The following PRKN variants were observed in gnomAD, a reference collection of about 807,000 sequenced individuals.
The protein encoded by PRKN is parkin RBR E3 ubiquitin protein ligase.
PRKN carries 56 observed loss-of-function variants against 59.5 expected under a neutral mutation model. The observed-to-expected ratio is 0.94, with a 90% CI of 0.76 to 1.18. PRKN has a LOEUF of 1.18. PRKN is among the 50% of genes most tolerant of loss of function. The pLI is 0.00. For missense variants in PRKN, 657 were observed against 596.4 expected (o/e 1.10, Z -1.06); for synonymous variants, 250 against 222.1 (o/e 1.13, Z -1.12).
intron 7 of PRKN, among the ~76,000 whole-genome samples, chr6:161,739,492 G>T (rs957391106): frequency 6.6e-6 from 1 of 152,096 alleles, no homozygotes; most frequent in African/African-American, 2.4e-5. Flanking sequence ...AAACGTATTT[G>T]CAATATAAAA....
intron 5 of PRKN, among the ~76,000 whole-genome samples, chr6:162,010,517 TATTATATAA>T (rs1267555984): frequency 1.4e-4 from 4 of 27,846 alleles, no homozygotes; most frequent in Non-Finnish European, 1.5e-4. Context: ...TTATATTATA[TATTATATAA>T]TATATTATAT....
chr6:161,367,147 C>T (rs1309582074), intron 10 of PRKN, among the ~76,000 whole-genome samples: 2 of 151,810 alleles, frequency 1.3e-5, no homozygotes, highest in South Asian at 2.1e-4. Flanking sequence ...CCCGCCACCA[C>T]GCCCGGCTAA....
intron 2 of PRKN, among the ~76,000 whole-genome samples, chr6:162,366,045 T>C (rs1785421233): frequency 6.6e-6 from 1 of 152,168 alleles, no homozygotes; most frequent in Non-Finnish European, 1.5e-5. Context: ...TATTGATGGG[T>C]ACTTGCCATG....
intron 2 of PRKN, among the ~76,000 whole-genome samples, chr6:162,441,695 T>C (rs1790061001): frequency 6.6e-6 from 1 of 152,184 alleles, no homozygotes; most frequent in Non-Finnish European, 1.5e-5. Flanking sequence ...TAGGTCTCTC[T>C]TTTGGATCCC....
chr6:161,781,720 G>C (rs560570454), intron 7 of PRKN, among the ~76,000 whole-genome samples: 1 of 152,122 alleles, frequency 6.6e-6, no homozygotes, highest in African/African-American at 2.4e-5. Flanking sequence ...AAATATTTTT[G>C]AAAATAATAT....
intron 7 of PRKN, among the ~76,000 whole-genome samples, chr6:161,677,138 G>C (rs1283138425): frequency 6.6e-6 from 1 of 152,162 alleles, no homozygotes. Context: ...TGGATAAAAA[G>C]ATGTAAACAG....
At position 162,222,451 on chromosome 6, in the gene PRKN, C is replaced by T. The variant is rs1253078160; in HGVS notation, c.413-21199G>A. Among the ~76,000 whole-genome samples the T allele has an allele frequency of 3.3e-4, 50 of 152,120 alleles. 1 individual carries two copies. The highest frequency in any genetic ancestry group is 3.1e-3 in the Admixed American group (47 of 15,254). ...GTGAACTATCATGCTGAGAGTCCCA[C>T]GTGTCAGGGCATTGCAGGAGCCTCA... On this transcript the variant is annotated intron_variant, in intron 3 of 11. Coordinates refer to ENST00000366898, the MANE Select transcript of PRKN (RefSeq NM_004562.3).
chr6:162,471,284 G>A (rs756981041), intron 1 of PRKN, among the ~76,000 whole-genome samples: 2 of 151,832 alleles, frequency 1.3e-5, no homozygotes, highest in Non-Finnish European at 2.9e-5. Context: ...TTTTAGTAGA[G>A]ATGGGTTTTC....
chr6:162,620,442 C>A (rs1311446127), intron 1 of PRKN, among the ~76,000 whole-genome samples: 1 of 152,078 alleles, frequency 6.6e-6, no homozygotes, highest in Non-Finnish European at 1.5e-5. Flanking sequence ...ACATAAGCAA[C>A]ATTTCTAGCA....
chr6:161,442,153 C>G lies in PRKN; in HGVS notation c.1084-55276G>C, dbSNP rs1789266484. Among the ~76,000 whole-genome samples the G allele has an allele frequency of 6.6e-6, 1 of 152,182 alleles. No individual in the cohort carries two copies. The highest frequency in any genetic ancestry group is 2.4e-5 in the African/African-American group (1 of 41,438). On this transcript the variant is annotated intron_variant, in intron 9 of 11. Coordinates refer to ENST00000366898, the MANE Select transcript of PRKN (RefSeq NM_004562.3). The surrounding 1 kb of genome is among the most constrained non-coding windows in gnomAD (Gnocchi z 4.6). ...GGCTCTGAATTATTTAAAATTACAG[C>G]AGTCAGAAGAGAGACCTTCTCAAAG...
chr6:161,697,700 C>T (rs373130233), intron 7 of PRKN, among the ~76,000 whole-genome samples: 15 of 152,176 alleles, frequency 9.9e-5, no homozygotes, highest in African/African-American at 3.6e-4. Context: ...CTGTTTCAAA[C>T]ACATTGTCAT....
chr6:162,345,472 A>G (rs1488545694), intron 2 of PRKN, among the ~76,000 whole-genome samples: 3 of 152,204 alleles, frequency 2.0e-5, no homozygotes, highest in Non-Finnish European at 4.4e-5. Context: ...TTAACAAAAG[A>G]ACTGATTGTT....
intron 5 of PRKN, among the ~76,000 whole-genome samples, chr6:162,012,822 T>C (rs1369800150): frequency 6.6e-6 from 1 of 152,168 alleles, no homozygotes; most frequent in Non-Finnish European, 1.5e-5. Flanking sequence ...TTGTGTAGAA[T>C]GTTCCTCAAT....
At chr6:162,339,502 C>A (rs1583407936) in intron 2 of PRKN, among the ~76,000 whole-genome samples, 1 of 133,802 alleles carries the variant, frequency 7.5e-6, no homozygotes, top group Non-Finnish European at 1.7e-5. Context: ...GCCGCCCCGT[C>A]CGGGAGGGAG....
At chr6:161,506,506 G>A (rs150267839) in intron 9 of PRKN, among the ~76,000 whole-genome samples, 2 of 152,248 alleles carry the variant, frequency 1.3e-5, no homozygotes, top group African/African-American at 2.4e-5. Context: ...TTTCATTTAC[G>A]TTACCTGCAA....
At chr6:161,816,514 T>C (rs185160542) in intron 6 of PRKN, among the ~76,000 whole-genome samples, 1 of 152,132 alleles carries the variant, frequency 6.6e-6, no homozygotes, top group Admixed American at 6.5e-5. Flanking sequence ...CACACACCAC[T>C]TATACCTCAG....
chr6:161,461,294 G>A lies in PRKN; in HGVS notation c.1084-74417C>T, dbSNP rs1437536745. On this transcript the variant is annotated intron_variant, in intron 9 of 11. Transcript: ENST00000366898. The surrounding 1 kb of genome is among the most constrained non-coding windows in gnomAD (Gnocchi z 5.1). ...CAACATGAGTTAAGTATAAGGTGTCGCTGGAGATGAGGGGGATGGTGGAGA... is the reference window on the plus strand; with the variant it reads ...CAACATGAGTTAAGTATAAGGTGTCACTGGAGATGAGGGGGATGGTGGAGA... 3.3e-5 allele frequency among the ~76,000 whole-genome samples: 5 copies of A among 152,150 alleles called. No homozygotes were observed. Among genetic ancestry groups the A allele is most frequent in the Middle Eastern group, 3.2e-3 (1 of 316 alleles).
At chr6:162,451,990 C>T (rs1399710207) in intron 1 of PRKN, among the ~76,000 whole-genome samples, 1 of 151,852 alleles carries the variant, frequency 6.6e-6, no homozygotes, top group Admixed American at 6.6e-5. Flanking sequence ...TTGAAAACAA[C>T]AAGAAAAGTT....
At chr6:162,145,931 C>T (rs1036421274) in intron 4 of PRKN, among the ~76,000 whole-genome samples, 5 of 152,278 alleles carry the variant, frequency 3.3e-5, no homozygotes, top group Admixed American at 3.3e-4. Flanking sequence ...GCAGACAGCA[C>T]CAATCAGAGG....
Sources: gnomAD v4.1 joint callset for allele counts (sites outside exome capture counted in the v4.1 genomes callset) on GRCh38, gnomAD v4.1.1 for gene constraint, Gnocchi (gnomAD v3.1) non-coding constraint, MANE v1.5 for transcripts, NCBI Gene and HGNC (gene_info 2026-07-23, HGNC 2026-07-21) for gene names.